The following KDM4C variants were observed in gnomAD, a reference collection of about 807,000 sequenced individuals.
KDM4C encodes lysine demethylase 4C.
Under a neutral mutation model 129.3 loss-of-function variants are expected in KDM4C, and 81 were observed. The observed-to-expected ratio is 0.63, with a 90% CI of 0.52 to 0.75. The LOEUF is 0.75. Ranked by LOEUF, KDM4C falls within the 30% of genes least tolerant of loss-of-function variation. The pLI, the probability that KDM4C is intolerant of heterozygous loss-of-function variation, is 0.00. For synonymous variants in KDM4C, 573 were observed against 456.1 expected, an observed-to-expected ratio of 1.26 and a Z score of -3.26; for missense variants, 1,457 against 1,304.0, an observed-to-expected ratio of 1.12 and a Z score of -1.81.
At chr9:6,811,137 CAA>C (rs1237373401) in intron 3 of KDM4C, among the ~76,000 whole-genome samples, 5 of 152,114 alleles carry the variant, frequency 3.3e-5, no homozygotes, top group Non-Finnish European at 7.4e-5. Context: ...TTGTTGGAGA[CAA>C]GAGGTTTTCT....
chr9:7,099,265 G>T (rs1836806079), intron 17 of KDM4C, among the ~76,000 whole-genome samples: 1 of 152,198 alleles, frequency 6.6e-6, no homozygotes, highest in Non-Finnish European at 1.5e-5. Context: ...ACAGGAAAAA[G>T]GGGGAAGGAG....
intron 1 of KDM4C, among the ~76,000 whole-genome samples, chr9:6,740,407 G>T (rs1164486003): frequency 6.6e-6 from 1 of 151,520 alleles, no homozygotes; most frequent in East Asian, 1.9e-4. Context: ...GTTTCACCGT[G>T]TTAGCCAGGA....
chr9:6,836,223 G>A (rs891454579), intron 4 of KDM4C, among the ~76,000 whole-genome samples: 2 of 152,046 alleles, frequency 1.3e-5, no homozygotes, highest in African/African-American at 4.8e-5. Context: ...AGGCTGAGGC[G>A]GGCGGATCAC....
chr9:7,064,227 A>C (rs1275251828), intron 17 of KDM4C, among the ~76,000 whole-genome samples: 1 of 152,222 alleles, frequency 6.6e-6, no homozygotes, highest in African/African-American at 2.4e-5. Context: ...GCAGATTTCA[A>C]AGACTTAGTA....
At position 7,052,403 on chromosome 9, in the gene KDM4C, G is replaced by A. The variant is rs138962723; in HGVS notation, c.2424+3203G>A. On this transcript the variant is annotated intron_variant, in intron 17 of 21. Coordinates refer to ENST00000381309, the MANE Select transcript of KDM4C (RefSeq NM_015061.6). ...ATATTTATGAAATGAATAAAAGGCA[G>A]CAAATCATTATTCATTATTTGCACG... is the stretch of plus-strand genomic sequence containing the variant. Among the ~76,000 whole-genome samples the A allele has an allele frequency of 5.6e-3, 850 of 152,246 alleles. 13 individuals carry two copies. The highest frequency in any genetic ancestry group is 0.018 in the African/African-American group (768 of 41,542).
Position 6,906,593 on chromosome 9 carries a change from C to T in KDM4C, c.921+13361C>T, listed in dbSNP as rs533581780. ...TGCTAGGACAACTACAGGCACATGCCGCCATGACTGGCTAATTTTTACATT... is the reference window on the plus strand; with the variant it reads ...TGCTAGGACAACTACAGGCACATGCTGCCATGACTGGCTAATTTTTACATT... On this transcript the variant is annotated intron_variant, in intron 8 of 21. Transcript: ENST00000381309. Among the ~76,000 whole-genome samples the T allele has an allele frequency of 1.7e-4, 26 of 152,290 alleles. No homozygotes were observed. The South Asian group carries it at 4.4e-3, about 25-fold the overall frequency.
At chr9:6,948,153 A>G (rs1316734337) in intron 8 of KDM4C, 1 of 152,212 alleles carries the variant, frequency 6.6e-6, no homozygotes, top group Non-Finnish European at 1.5e-5. Flanking sequence ...TTAACTGTAG[A>G]ATCAGTCTTT....
intron 4 of KDM4C, among the ~76,000 whole-genome samples, chr9:6,818,435 G>C (rs1054191052): frequency 1.3e-5 from 2 of 152,230 alleles, no homozygotes; most frequent in Non-Finnish European, 2.9e-5. Context: ...ATAGGCAGGG[G>C]CAAGTTATGC....
At chr9:6,965,054 T>C (rs1417477036) in intron 8 of KDM4C, among the ~76,000 whole-genome samples, 1 of 152,072 alleles carries the variant, frequency 6.6e-6, no homozygotes, top group Admixed American at 6.5e-5. Context: ...CTTTCTTGAA[T>C]GCGAAAGTTT....
At chr9:6,928,075 C>A (rs145695687) in intron 8 of KDM4C, among the ~76,000 whole-genome samples, 2 of 152,204 alleles carry the variant, frequency 1.3e-5, no homozygotes, top group Non-Finnish European at 2.9e-5. Context: ...TTTTTTAGCC[C>A]ACTCCAGTTG....
chr9:6,816,511 C>G (rs1832117606), intron 4 of KDM4C, among the ~76,000 whole-genome samples: 1 of 152,174 alleles, frequency 6.6e-6, no homozygotes. Context: ...TTTTATATAA[C>G]TAGAATCATT....
At chr9:6,855,922 A>G in intron 5 of KDM4C, among the ~76,000 whole-genome samples, 1 of 152,134 alleles carries the variant, frequency 6.6e-6, no homozygotes, top group African/African-American at 2.4e-5. Flanking sequence ...TTTCTTTTTT[A>G]TAGAGATGGG....
At chr9:7,028,628 C>G (rs1475881547) in intron 15 of KDM4C, among the ~76,000 whole-genome samples, 4 of 151,954 alleles carry the variant, frequency 2.6e-5, no homozygotes, top group African/African-American at 9.7e-5. Flanking sequence ...GGCTCTGAGC[C>G]CAGTCCAGCA....
chr9:7,066,552 T>C (rs1477031799), intron 17 of KDM4C, among the ~76,000 whole-genome samples: 2 of 152,236 alleles, frequency 1.3e-5, no homozygotes, highest in African/African-American at 4.8e-5. Flanking sequence ...ATGGAATTAT[T>C]TTAAGATCAT....
At chr9:6,768,973 A>G (rs909638116) in intron 1 of KDM4C, among the ~76,000 whole-genome samples, 3 of 151,942 alleles carry the variant, frequency 2.0e-5, no homozygotes, top group African/African-American at 4.8e-5. Context: ...GGGTTTCACC[A>G]TGTTGGCCAG....
chr9:6,763,239 C>CT (rs1819934477), intron 1 of KDM4C, among the ~76,000 whole-genome samples: 1 of 152,152 alleles, frequency 6.6e-6, no homozygotes, highest in Non-Finnish European at 1.5e-5. Flanking sequence ...AGTCTCCTTC[C>CT]TACCAAACTC....
intron 1 of KDM4C, among the ~76,000 whole-genome samples, chr9:6,780,563 T>G (rs961213646): frequency 2.0e-5 from 3 of 150,778 alleles, no homozygotes; most frequent in Non-Finnish European, 2.9e-5. Flanking sequence ...AGCTCAAGAG[T>G]CCAGGACCAG....
intron 15 of KDM4C, among the ~76,000 whole-genome samples, chr9:7,026,083 G>A (rs754909228): frequency 3.3e-5 from 5 of 152,024 alleles, no homozygotes; most frequent in Admixed American, 6.6e-5. Context: ...GCGAGCACCT[G>A]TAATCCCAGC....
chr9:6,963,322 T>C (rs1472685174), intron 8 of KDM4C, among the ~76,000 whole-genome samples: 2 of 152,244 alleles, frequency 1.3e-5, no homozygotes, highest in East Asian at 3.8e-4. Flanking sequence ...ATTCAGTTAT[T>C]AATTCATGCA....
Sources: allele counts gnomAD v4.1 joint callset (sites outside exome capture counted in the v4.1 genomes callset), GRCh38; gene constraint gnomAD v4.1.1; transcripts MANE v1.5; gene names NCBI Gene and HGNC (gene_info 2026-07-23, HGNC 2026-07-21).